Variants in CFAP77 observed in about 807,000 individuals in gnomAD.
The protein encoded by CFAP77 is cilia- and flagella-associated protein 77.
In CFAP77, 25 loss-of-function variants were observed where a neutral mutation model predicts 31.1. The ratio of observed to expected loss-of-function variants is 0.80; its 90% CI spans 0.59 to 1.12. The LOEUF is 1.12. CFAP77 is among the 50% of genes most tolerant of loss of function. The probability of loss-of-function intolerance (pLI) is 0.00; values close to 1 mark genes in which losing one functional copy is unlikely to be tolerated. For missense variants in CFAP77, 377 were observed against 397.3 expected (o/e 0.95, Z 0.44); for synonymous variants, 151 against 159.9 (o/e 0.94, Z 0.42).
intron 5 of CFAP77, among the ~76,000 whole-genome samples, chr9:132,544,052 G>T (rs12115275): frequency 1.3e-5 from 2 of 152,120 alleles, no homozygotes; most frequent in Admixed American, 6.5e-5. Context: ...AGGCCCGGCC[G>T]CTGTGCCGCA....
At chr9:132,423,733 A>G (rs908770885) in intron 1 of CFAP77, among the ~76,000 whole-genome samples, 5 of 152,202 alleles carry the variant, frequency 3.3e-5, no homozygotes, top group African/African-American at 1.2e-4. Context: ...TCAACTCTGC[A>G]AGCTCCGTGT....
At chr9:132,472,240 C>T (rs1452193718) in intron 1 of CFAP77, among the ~76,000 whole-genome samples, 2 of 152,232 alleles carry the variant, frequency 1.3e-5, no homozygotes, top group Non-Finnish European at 2.9e-5. Flanking sequence ...CACTGGATAT[C>T]ATCTGTCAAA....
chr9:132,529,775 A>G (rs139391780), intron 3 of CFAP77, among the ~76,000 whole-genome samples: 10,558 of 150,342 alleles, frequency 0.07, 450 homozygotes, highest in South Asian at 0.12. Context: ...GCAGTGAGCC[A>G]AGGTCGCACC....
At chr9:132,522,908 C>A (rs960758756) in intron 3 of CFAP77, among the ~76,000 whole-genome samples, 1 of 152,212 alleles carries the variant, frequency 6.6e-6, no homozygotes, top group African/African-American at 2.4e-5. Context: ...ACCGGCCACG[C>A]GGCCTCAGCC....
chr9:132,502,265 A>ATTTT lies in CFAP77; in HGVS notation c.524+2674_524+2677dup, dbSNP rs571665067. 3.2e-3 allele frequency among the ~76,000 whole-genome samples: 266 copies of ATTTT among 83,874 alleles called. 1 individual carries two copies. The highest frequency in any genetic ancestry group is 0.011 in the Middle Eastern group (2 of 180). The allele number at this position is 83,874 out of a possible 152,430, so 55.0% of individuals were successfully genotyped here. On this transcript the variant is annotated intron_variant, in intron 3 of 5. Coordinates refer to ENST00000393216, the MANE Select transcript of CFAP77 (RefSeq NM_001282957.2). ...ACTGTGCCATCATATATATATATAT[A>ATTTT]TTTTTTTTTTTTGGGGGAGGGGGGT...
chr9:132,546,570 A>G (rs1218265432), intron 5 of CFAP77, among the ~76,000 whole-genome samples: 1 of 152,242 alleles, frequency 6.6e-6, no homozygotes, highest in Non-Finnish European at 1.5e-5. Context: ...ACCGCCAGCC[A>G]CGAGGGGGCT....
chr9:132,523,992 T>A (rs372787470), intron 3 of CFAP77, among the ~76,000 whole-genome samples: 1 of 152,080 alleles, frequency 6.6e-6, no homozygotes, highest in Non-Finnish European at 1.5e-5. Context: ...ATACATAGCA[T>A]CCTTTTTTAA....
intron 3 of CFAP77, among the ~76,000 whole-genome samples, chr9:132,500,050 G>T (rs1851816499): frequency 6.6e-6 from 1 of 151,956 alleles, no homozygotes; most frequent in African/African-American, 2.4e-5. Flanking sequence ...TTACTTGAGG[G>T]CTGAGGCGGG....
chr9:132,547,853 G>C (rs1852758565), intron 5 of CFAP77, among the ~76,000 whole-genome samples: 1 of 152,152 alleles, frequency 6.6e-6, no homozygotes, highest in Non-Finnish European at 1.5e-5. Flanking sequence ...AACTTCCTCA[G>C]GGCTCTCCAG....
At position 132,424,695 on chromosome 9, in the gene CFAP77, G is replaced by A. The variant is rs986777240; in HGVS notation, c.195+14229G>A. On this transcript the variant is annotated intron_variant, in intron 1 of 5. Coordinates refer to ENST00000393216, the MANE Select transcript of CFAP77 (RefSeq NM_001282957.2). The surrounding 1 kb of genome is among the most constrained non-coding windows in gnomAD (Gnocchi z 4.1). The stretch of plus-strand genomic sequence containing the variant: ...TCACCACTTGAAAGTTTAAAGAAGA[G>A]ACTCGGGATAAAGACGCATAGATAC... Among the ~76,000 whole-genome samples, 1 of 152,190 alleles carries A rather than the reference G, an allele frequency of 6.6e-6. No individual in the cohort carries two copies. The highest frequency in any genetic ancestry group is 1.5e-5 in the Non-Finnish European group (1 of 68,034).
Position 132,572,790 on chromosome 9 carries a change from C to T in CFAP77, c.*280C>T. ...AGGCTCACCCTGCCTCTTCTCAAGC[C>T]CTCACCTGCCAAGACAAGCCCAAAT... On this transcript the variant is annotated 3_prime_UTR_variant, in exon 6 of 6. Transcript: ENST00000393216. The T allele has an allele frequency of 2.2e-6, 1 of 449,710 alleles. No individual in the cohort carries two copies. The highest frequency in any genetic ancestry group is 3.9e-6 in the Non-Finnish European group (1 of 255,152). The allele number at this position is 449,710 out of a possible 1,614,324, so 27.9% of individuals were successfully genotyped here.
intron 1 of CFAP77, among the ~76,000 whole-genome samples, chr9:132,479,970 G>A (rs1367531954): frequency 2.0e-5 from 3 of 152,166 alleles, no homozygotes; most frequent in Non-Finnish European, 4.4e-5. Context: ...TCCACTGTGC[G>A]CCTCTGCCTC....
chr9:132,410,360 C>A lies in CFAP77; in HGVS notation c.89C>A (p.Pro30Gln). Residue 30 changes from proline (P) to glutamine (Q), a missense_variant, in exon 1 of 6, where the codon CCG becomes CAG. Pro to Gln is a moderately conservative substitution (Grantham distance 76, BLOSUM62 -1). Transcript: ENST00000393216. ...CGCCGCACGGTCAGCCAGGTCTGCC[C>A]GCCCCCGCGGCGGCCCCTGACCGTG... ...PVRRTVSQVC[P>Q]PPRRPLTVAD... is the part of the protein sequence containing the mutation. 7 of 1,598,242 alleles carry A rather than the reference C, an allele frequency of 4.4e-6. No homozygotes were observed. The highest frequency in any genetic ancestry group is 5.1e-6 in the Non-Finnish European group (6 of 1,173,778).
chr9:132,549,199 G>T (rs1852783731), intron 5 of CFAP77, among the ~76,000 whole-genome samples: 1 of 152,160 alleles, frequency 6.6e-6, no homozygotes. Context: ...TGCCGCCTCT[G>T]CCTCTCCACA....
chr9:132,506,371 C>T (rs1349017504), intron 3 of CFAP77, among the ~76,000 whole-genome samples: 10 of 152,280 alleles, frequency 6.6e-5, no homozygotes, highest in East Asian at 3.9e-4. Context: ...TGCAAATGTT[C>T]GCATGCCCTC....
intron 1 of CFAP77, among the ~76,000 whole-genome samples, chr9:132,459,014 G>C (rs1235139930): frequency 4.6e-5 from 7 of 151,994 alleles, no homozygotes; most frequent in African/African-American, 1.2e-4. Flanking sequence ...TGAAAAGATA[G>C]TCTGGGTAAA....
At chr9:132,411,624 A>G (rs1046932573) in intron 1 of CFAP77, among the ~76,000 whole-genome samples, 2 of 151,986 alleles carry the variant, frequency 1.3e-5, no homozygotes, top group Non-Finnish European at 2.9e-5. Flanking sequence ...ACTTACTTCT[A>G]CGTGAGAAGA....
intron 1 of CFAP77, among the ~76,000 whole-genome samples, chr9:132,491,768 A>T (rs924626669): frequency 2.0e-5 from 3 of 152,176 alleles, no homozygotes; most frequent in African/African-American, 7.2e-5. Flanking sequence ...TAATATTAGA[A>T]TTATTTTGGT....
chr9:132,507,217 C>T (rs1450731298), intron 3 of CFAP77, among the ~76,000 whole-genome samples: 1 of 152,208 alleles, frequency 6.6e-6, no homozygotes, highest in African/African-American at 2.4e-5. Flanking sequence ...TTTTCTCACG[C>T]CAGGATCTGT....
Sources: allele counts gnomAD v4.1 joint callset (sites outside exome capture counted in the v4.1 genomes callset), GRCh38; gene constraint gnomAD v4.1.1; non-coding constraint Gnocchi (gnomAD v3.1); transcripts MANE v1.5; gene names NCBI Gene and HGNC (gene_info 2026-07-23, HGNC 2026-07-21).